Variants in CDH18 observed in about 807,000 individuals in gnomAD.
CDH18 encodes the protein cadherin 18, also known as cadherin-18.
CDH18 carries 31 observed loss-of-function variants against 67.9 expected under a neutral mutation model. That is an observed-to-expected ratio of 0.46 (90% confidence interval 0.34 to 0.62). The LOEUF is 0.62. Ranked by LOEUF, CDH18 falls within the 20% of genes least tolerant of loss-of-function variation. The pLI, the probability that CDH18 is intolerant of heterozygous loss-of-function variation, is 0.01. For missense variants in CDH18, 890 were observed against 975.5 expected, an observed-to-expected ratio of 0.91 and a Z score of 1.17; for synonymous variants, 362 against 347.2, an observed-to-expected ratio of 1.04 and a Z score of -0.48.
intron 4 of CDH18, among the ~76,000 whole-genome samples, chr5:19,733,672 C>T (rs532061025): frequency 9.9e-5 from 15 of 152,234 alleles, no homozygotes; most frequent in African/African-American, 3.4e-4. Flanking sequence ...AGCAGCAGGT[C>T]CAAGCCAGTC....
chr5:19,662,849 C>T (rs574909086), intron 5 of CDH18, among the ~76,000 whole-genome samples: 11 of 152,018 alleles, frequency 7.2e-5, no homozygotes, highest in East Asian at 1.9e-4. Context: ...ATACTACGTA[C>T]GTGCGAATAA....
chr5:19,578,917 G>T (rs1442349957), intron 7 of CDH18, among the ~76,000 whole-genome samples: 1 of 151,800 alleles, frequency 6.6e-6, no homozygotes, highest in East Asian at 1.9e-4. Flanking sequence ...ACTTTTAGTT[G>T]TATTTGGAAA....
chr5:20,258,937 C>A (rs1466524166), intron 1 of CDH18, among the ~76,000 whole-genome samples: 1 of 152,116 alleles, frequency 6.6e-6, no homozygotes, highest in Non-Finnish European at 1.5e-5. Flanking sequence ...AGTGAAGCCC[C>A]TGAGCAGAGA....
chr5:20,151,502 C>A (rs1322071901), intron 2 of CDH18, among the ~76,000 whole-genome samples: 1 of 152,024 alleles, frequency 6.6e-6, no homozygotes, highest in Non-Finnish European at 1.5e-5. Flanking sequence ...TGGGTATATA[C>A]CCAATAATGG....
At chr5:19,653,288 A>T (rs1460947207) in intron 5 of CDH18, among the ~76,000 whole-genome samples, 1 of 152,028 alleles carries the variant, frequency 6.6e-6, no homozygotes, top group African/African-American at 2.4e-5. Context: ...CCTGAGCTTG[A>T]GTCTTTTTTT....
chr5:20,353,877 C>T (rs932623581), intron 1 of CDH18, among the ~76,000 whole-genome samples: 3 of 152,114 alleles, frequency 2.0e-5, no homozygotes, highest in Admixed American at 6.6e-5. Context: ...GACAGGTTTC[C>T]GTATACTGGA....
At chr5:20,311,150 A>T (rs573317509) in intron 1 of CDH18, among the ~76,000 whole-genome samples, 4 of 152,244 alleles carry the variant, frequency 2.6e-5, no homozygotes, top group African/African-American at 9.6e-5. Context: ...GAAACAACAG[A>T]TGCTGGAGAG....
At chr5:19,721,553 G>A in intron 4 of CDH18, 87 bp from the exon 5 acceptor site, 2 of 1,224,068 alleles carry the variant, frequency 1.6e-6, no homozygotes, top group Non-Finnish European at 2.3e-6. Flanking sequence ...TGCTGAAATA[G>A]CTATGGAGAT....
Position 20,267,738 on chromosome 5 carries a change from A to G in CDH18, c.-579-12233T>C, listed in dbSNP as rs1745146399. On this transcript the variant is annotated intron_variant, in intron 1 of 14. Coordinates refer to the CDH18 transcript ENST00000507958. ...GTTTAGAAACACTACTGAATTTTGTAATTTGATTTTGTACCCTGAAACATA... is the reference window on the plus strand; with the variant it reads ...GTTTAGAAACACTACTGAATTTTGTGATTTGATTTTGTACCCTGAAACATA... 2.6e-5 allele frequency among the ~76,000 whole-genome samples: 4 copies of G among 152,116 alleles called. No individual in the cohort carries two copies. The South Asian group carries it at 8.3e-4, about 32-fold the overall frequency.
At chr5:19,681,643 C>A (rs897521869) in intron 5 of CDH18, among the ~76,000 whole-genome samples, 5 of 151,824 alleles carry the variant, frequency 3.3e-5, no homozygotes, top group Admixed American at 3.3e-4. Flanking sequence ...ACCAAAATGA[C>A]CCCTTGATGT....
chr5:20,447,593 C>T (rs958446627), intron 1 of CDH18, among the ~76,000 whole-genome samples: 6 of 152,102 alleles, frequency 3.9e-5, no homozygotes, highest in Non-Finnish European at 7.4e-5. Context: ...AGAAGTTAAC[C>T]AGTCTCACAT....
chr5:20,505,463 A>G (rs1754601880), intron 1 of CDH18, among the ~76,000 whole-genome samples: 1 of 152,210 alleles, frequency 6.6e-6, no homozygotes, highest in African/African-American at 2.4e-5. Flanking sequence ...CCAACACATC[A>G]TGGTATATTT....
At chr5:20,453,772 G>A (rs912150928) in intron 1 of CDH18, among the ~76,000 whole-genome samples, 3 of 151,922 alleles carry the variant, frequency 2.0e-5, no homozygotes, top group African/African-American at 7.3e-5. Context: ...TCATATCCTT[G>A]AGCAAACCAG....
chr5:20,150,354 A>G (rs1409592172), intron 2 of CDH18, among the ~76,000 whole-genome samples: 2 of 152,076 alleles, frequency 1.3e-5, no homozygotes, highest in African/African-American at 4.8e-5. Context: ...TAGATTTGAG[A>G]ATATTATAAA....
intron 2 of CDH18, among the ~76,000 whole-genome samples, chr5:20,026,966 A>G (rs925165476): frequency 7.1e-4 from 108 of 152,222 alleles, no homozygotes; most frequent in African/African-American, 2.5e-3. Flanking sequence ...AACATAAAAA[A>G]AAAATAAATA....
chr5:20,101,614 G>A (rs956267006), intron 2 of CDH18, among the ~76,000 whole-genome samples: 3 of 152,146 alleles, frequency 2.0e-5, no homozygotes, highest in Admixed American at 6.5e-5. Context: ...AATGACAATC[G>A]TAAGTGTGGA....
intron 2 of CDH18, among the ~76,000 whole-genome samples, chr5:20,068,303 C>T (rs186299618): frequency 3.3e-5 from 5 of 152,016 alleles, no homozygotes; most frequent in African/African-American, 1.2e-4. Context: ...GAAGACTATA[C>T]AGAAAAAGGT....
intron 5 of CDH18, among the ~76,000 whole-genome samples, chr5:19,628,883 G>A (rs575306789): frequency 6.6e-6 from 1 of 150,946 alleles, no homozygotes; most frequent in East Asian, 2.0e-4. Context: ...AAGATTGAGA[G>A]AAAAGGTAAA....
At chr5:20,470,771 G>T (rs1451313906) in intron 1 of CDH18, among the ~76,000 whole-genome samples, 1 of 152,154 alleles carries the variant, frequency 6.6e-6, no homozygotes, top group Non-Finnish European at 1.5e-5. Context: ...CAGCAATAAT[G>T]ATGAGCTAGA....
Sources: gnomAD v4.1 joint callset for allele counts (sites outside exome capture counted in the v4.1 genomes callset) on GRCh38, gnomAD v4.1.1 for gene constraint, MANE v1.5 for transcripts, NCBI Gene and HGNC (gene_info 2026-07-23, HGNC 2026-07-21) for gene names.